Variants in GALNTL6 observed in about 807,000 individuals in gnomAD.
The protein encoded by GALNTL6 is polypeptide N-acetylgalactosaminyltransferase-like 6.
In GALNTL6, 46 loss-of-function variants were observed where a neutral mutation model predicts 73.7. The ratio of observed to expected loss-of-function variants is 0.62; its 90% CI spans 0.49 to 0.80. The LOEUF is 0.80. Ranked by LOEUF, GALNTL6 falls within the 30% of genes least tolerant of loss-of-function variation. The pLI, the probability that GALNTL6 is intolerant of heterozygous loss-of-function variation, is 0.00. For synonymous variants in GALNTL6, 259 were observed against 263.7 expected (o/e 0.98, Z 0.17); for missense variants, 604 against 755.0 (o/e 0.80, Z 2.34).
intron 5 of GALNTL6, among the ~76,000 whole-genome samples, chr4:172,792,767 G>A (rs919189246): frequency 2.1e-5 from 3 of 142,306 alleles, no homozygotes; most frequent in Non-Finnish European, 4.5e-5. Flanking sequence ...GTTTTTAATT[G>A]TGTTTTCATA....
At chr4:172,714,154 T>G (rs933084384) in intron 5 of GALNTL6, among the ~76,000 whole-genome samples, 1 of 152,194 alleles carries the variant, frequency 6.6e-6, no homozygotes, top group African/African-American at 2.4e-5. Flanking sequence ...ATTATTGTTT[T>G]TGTTCTAAAC....
chr4:172,251,441 C>T (rs1433076593), intron 3 of GALNTL6, among the ~76,000 whole-genome samples: 1 of 152,086 alleles, frequency 6.6e-6, no homozygotes, highest in African/African-American at 2.4e-5. Context: ...ATAAAATTAA[C>T]CATCACAAGT....
At chr4:172,052,313 G>A in intron 2 of GALNTL6, 1 of 611,798 alleles carries the variant, frequency 1.6e-6, no homozygotes, top group Non-Finnish European at 2.9e-6. Context: ...CCAGGGAAGA[G>A]CTCGGGTATA....
chr4:172,891,842 C>A (rs1413627008), intron 8 of GALNTL6, among the ~76,000 whole-genome samples: 1 of 151,966 alleles, frequency 6.6e-6, no homozygotes, highest in Non-Finnish European at 1.5e-5. Context: ...ATTTTTGATT[C>A]TTTTTTATTT....
intron 5 of GALNTL6, among the ~76,000 whole-genome samples, chr4:172,620,334 C>T (rs17307651): frequency 0.43 from 65,697 of 151,980 alleles, 16,211 homozygotes; most frequent in East Asian, 0.68. Flanking sequence ...ACAGGTCAAA[C>T]TTGGAGGTCC....
intron 5 of GALNTL6, among the ~76,000 whole-genome samples, chr4:172,746,174 G>A (rs1208908502): frequency 6.6e-6 from 1 of 152,006 alleles, no homozygotes; most frequent in Non-Finnish European, 1.5e-5. Context: ...TGCTTGCTGT[G>A]TTTTGTTAGG....
chr4:172,594,424 C>A (rs1737770457), intron 5 of GALNTL6, among the ~76,000 whole-genome samples: 1 of 152,122 alleles, frequency 6.6e-6, no homozygotes, highest in Admixed American at 6.6e-5. Flanking sequence ...TATTTGAACT[C>A]TTATGTGATA....
At chr4:171,817,949 T>A (rs1734565087) in intron 2 of GALNTL6, among the ~76,000 whole-genome samples, 1 of 151,658 alleles carries the variant, frequency 6.6e-6, no homozygotes, top group Non-Finnish European at 1.5e-5. Context: ...AATTGTGATG[T>A]GTTATTTTCA....
At chr4:172,255,030 C>G (rs1738024613) in intron 3 of GALNTL6, among the ~76,000 whole-genome samples, 1 of 151,444 alleles carries the variant, frequency 6.6e-6, no homozygotes, top group Non-Finnish European at 1.5e-5. Context: ...ATAAGACATC[C>G]CCAAACAGCT....
intron 2 of GALNTL6, among the ~76,000 whole-genome samples, chr4:172,152,225 A>G (rs1734111427): frequency 6.6e-6 from 1 of 151,972 alleles, no homozygotes; most frequent in African/African-American, 2.4e-5. Flanking sequence ...TGATCCACCC[A>G]CCTCAGCCTC....
At chr4:172,866,754 T>TTTCCCTGGCCAA (rs1165793311) in intron 7 of GALNTL6, among the ~76,000 whole-genome samples, 1 of 152,162 alleles carries the variant, frequency 6.6e-6, no homozygotes, top group Non-Finnish European at 1.5e-5. Context: ...TGCCCTGCCT[T>TTTCCCTGGCCAA]TTCCCTGGCC....
chr4:172,049,091 T>A (rs1730742107), intron 2 of GALNTL6, among the ~76,000 whole-genome samples: 1 of 152,308 alleles, frequency 6.6e-6, no homozygotes, highest in Non-Finnish European at 1.5e-5. Context: ...AATGATTATT[T>A]TGGAGAAGTC....
intron 2 of GALNTL6, among the ~76,000 whole-genome samples, chr4:171,997,716 A>C (rs1740534313): frequency 6.6e-6 from 1 of 152,084 alleles, no homozygotes; most frequent in South Asian, 2.1e-4. Context: ...GTAATAGCCC[A>C]AATAAACATC....
intron 2 of GALNTL6, among the ~76,000 whole-genome samples, chr4:172,032,880 A>C (rs563632635): frequency 9.9e-5 from 15 of 152,220 alleles, no homozygotes; most frequent in Middle Eastern, 3.4e-3. Flanking sequence ...CATTTTCTTT[A>C]GATATCTTAT....
intron 10 of GALNTL6, among the ~76,000 whole-genome samples, chr4:172,963,277 A>G (rs1750168392): frequency 6.6e-6 from 1 of 152,256 alleles, no homozygotes; most frequent in East Asian, 1.9e-4. Context: ...TCATCTTCTC[A>G]GTAAGGTCTT....
rs1453447472 is a variant in GALNTL6 at position 172,985,993 on chromosome 4, G to A, written c.1372-23185G>A. On this transcript the variant is annotated intron_variant, in intron 10 of 12. Transcript: ENST00000506823. ...TCAAGAGGAGAGGGGAGGTTGTTTG[G>A]AGAATGGGCTTTTTACATTCTTCTT... is the stretch of plus-strand genomic sequence containing the variant. Among the ~76,000 whole-genome samples, 6 of 152,312 alleles carry A rather than the reference G, an allele frequency of 3.9e-5. No individual in the cohort carries two copies. In the South Asian group the frequency reaches 8.3e-4, roughly 21 times the overall value.
chr4:171,916,982 C>T (rs1737650535), intron 2 of GALNTL6, among the ~76,000 whole-genome samples: 1 of 151,990 alleles, frequency 6.6e-6, no homozygotes, highest in South Asian at 2.1e-4. Context: ...TTGATGAAGA[C>T]AGATGATGAA....
chr4:171,846,818 GTATC>G (rs1451807922), intron 2 of GALNTL6, among the ~76,000 whole-genome samples: 1 of 146,434 alleles, frequency 6.8e-6, no homozygotes, highest in Non-Finnish European at 1.5e-5. Flanking sequence ...CCCTGTAGAT[GTATC>G]TATCTATAGA....
At chr4:171,921,955 T>A (rs1391320839) in intron 2 of GALNTL6, among the ~76,000 whole-genome samples, 2 of 152,048 alleles carry the variant, frequency 1.3e-5, no homozygotes, top group Non-Finnish European at 1.5e-5. Context: ...AAAGAAAAGC[T>A]GGGTTAAAAT....
Sources: gnomAD v4.1 joint callset for allele counts (sites outside exome capture counted in the v4.1 genomes callset) on GRCh38, gnomAD v4.1.1 for gene constraint, MANE v1.5 for transcripts, NCBI Gene and HGNC (gene_info 2026-07-23, HGNC 2026-07-21) for gene names.